Variants in SAMMSON observed in about 807,000 individuals in gnomAD.
SAMMSON encodes the protein survival associated mitochondrial melanoma specific oncogenic non-coding RNA.
chr3:70,185,797 C>T (rs1701087066), intron 4 of SAMMSON, among the ~76,000 whole-genome samples: 1 of 138,150 alleles, frequency 7.2e-6, no homozygotes, highest in African/African-American at 2.7e-5. Context: ...ATAGCAAGAC[C>T]CCGCCTCTAC....
chr3:70,170,242 G>C (rs1700924389), intron 4 of SAMMSON, among the ~76,000 whole-genome samples: 2 of 151,792 alleles, frequency 1.3e-5, no homozygotes, highest in Admixed American at 1.3e-4. Context: ...ATTTTGTGCA[G>C]ATGTAGGAAA....
intron 1 of SAMMSON, among the ~76,000 whole-genome samples, chr3:70,008,864 G>A (rs967015496): frequency 2.0e-4 from 30 of 152,150 alleles, no homozygotes; most frequent in African/African-American, 6.8e-4. Flanking sequence ...GTTGAATTTT[G>A]TGAAAGGCCT....
At position 70,173,615 on chromosome 3, in the gene SAMMSON, T is replaced by C. The variant is rs117764845; in HGVS notation, n.508-75492T>C. Among the ~76,000 whole-genome samples, 176 of 152,092 alleles carry C rather than the reference T, an allele frequency of 1.2e-3. 1 individual carries two copies. In the East Asian group the frequency reaches 0.032, roughly 28 times the overall value. ...ATTTATATATGCTCAAACTAGATAATTTTTGCAAAAGTTTTAAAAACATTT... is the reference window on the plus strand; with the variant it reads ...ATTTATATATGCTCAAACTAGATAACTTTTGCAAAAGTTTTAAAAACATTT... On this transcript the variant is annotated intron_variant and non_coding_transcript_variant, in intron 4 of 9. Transcript: ENST00000642114.
intron 9 of SAMMSON, among the ~76,000 whole-genome samples, chr3:70,368,622 A>G (rs1432063169): frequency 1.3e-5 from 2 of 151,574 alleles, no homozygotes; most frequent in Non-Finnish European, 3.0e-5. Flanking sequence ...TGACTGAAAC[A>G]TTATCCTCTC....
At chr3:70,379,995 G>T (rs1028124898) in intron 9 of SAMMSON, among the ~76,000 whole-genome samples, 5 of 151,632 alleles carry the variant, frequency 3.3e-5, no homozygotes, top group Non-Finnish European at 7.4e-5. Flanking sequence ...TTTGATTTGG[G>T]GTGTAATTTT....
chr3:70,244,785 T>A (rs558002843), intron 4 of SAMMSON, among the ~76,000 whole-genome samples: 1 of 152,362 alleles, frequency 6.6e-6, no homozygotes, highest in African/African-American at 2.4e-5. Flanking sequence ...CATATATAAA[T>A]ACATACACAT....
At chr3:70,053,500 C>T (rs532783268) in intron 3 of SAMMSON, among the ~76,000 whole-genome samples, 11 of 152,268 alleles carry the variant, frequency 7.2e-5, no homozygotes, top group African/African-American at 2.2e-4. Flanking sequence ...AGATGGGTGA[C>T]TCATTTCCTT....
intron 4 of SAMMSON, among the ~76,000 whole-genome samples, chr3:70,171,371 T>A (rs567118759): frequency 6.6e-6 from 1 of 151,952 alleles, no homozygotes; most frequent in African/African-American, 2.4e-5. Context: ...AGCTGAAGCT[T>A]AACTTCATTG....
intron 4 of SAMMSON, among the ~76,000 whole-genome samples, chr3:70,147,796 A>G (rs1238433016): frequency 6.6e-6 from 1 of 152,114 alleles, no homozygotes; most frequent in Admixed American, 6.6e-5. Flanking sequence ...AAATAATTAT[A>G]TGTTGGACAT....
chr3:70,309,956 C>A (rs1387649028), intron 7 of SAMMSON, among the ~76,000 whole-genome samples: 1 of 152,038 alleles, frequency 6.6e-6, no homozygotes, highest in Non-Finnish European at 1.5e-5. Flanking sequence ...CTATCAATTT[C>A]ATTATTATTT....
At chr3:70,238,337 G>A (rs915875894) in intron 4 of SAMMSON, among the ~76,000 whole-genome samples, 2 of 152,002 alleles carry the variant, frequency 1.3e-5, no homozygotes, top group Non-Finnish European at 2.9e-5. Flanking sequence ...GCTGGGCATC[G>A]TGGCTCACAC....
chr3:70,144,543 T>C (rs1436281591), intron 4 of SAMMSON, among the ~76,000 whole-genome samples: 1 of 152,180 alleles, frequency 6.6e-6, no homozygotes, highest in Non-Finnish European at 1.5e-5. Flanking sequence ...TTATCTAAAA[T>C]GTCCTCCGAA....
At chr3:70,035,359 A>G (rs2067081438) in intron 3 of SAMMSON, among the ~76,000 whole-genome samples, 1 of 151,932 alleles carries the variant, frequency 6.6e-6, no homozygotes, top group Non-Finnish European at 1.5e-5. Context: ...ACTCTTTTAT[A>G]AGGCTCATGT....
At position 70,078,574 on chromosome 3, in the gene SAMMSON, G is replaced by A. The variant is rs577957194; in HGVS notation, n.507+7009G>A. 5.9e-5 allele frequency among the ~76,000 whole-genome samples: 9 copies of A among 152,240 alleles called. No homozygotes were observed. The South Asian group carries it at 8.3e-4, about 14-fold the overall frequency. ...GCCAATTTTTCAGTGTGGTTACCTCGATTTATCTGCTTCTTTGGCCCTTCC... is the reference window on the plus strand; with the variant it reads ...GCCAATTTTTCAGTGTGGTTACCTCAATTTATCTGCTTCTTTGGCCCTTCC... On this transcript the variant is annotated intron_variant and non_coding_transcript_variant, in intron 4 of 9. Transcript: ENST00000642114.
chr3:70,313,170 A>G (rs1702469719), intron 7 of SAMMSON, among the ~76,000 whole-genome samples: 1 of 152,200 alleles, frequency 6.6e-6, no homozygotes, highest in African/African-American at 2.4e-5. Flanking sequence ...AGGTAAGGAT[A>G]ATACAGATTT....
intron 9 of SAMMSON, among the ~76,000 whole-genome samples, chr3:70,381,763 G>C (rs1463092788): frequency 6.6e-6 from 1 of 152,048 alleles, no homozygotes; most frequent in African/African-American, 2.4e-5. Flanking sequence ...AAATTGGAGG[G>C]AACAGACCCA....
At chr3:70,173,869 C>T (rs1242057022) in intron 4 of SAMMSON, among the ~76,000 whole-genome samples, 2 of 151,722 alleles carry the variant, frequency 1.3e-5, no homozygotes, top group African/African-American at 4.8e-5. Flanking sequence ...CAACTTAATG[C>T]ATTTAAGTTG....
chr3:70,375,630 G>T (rs557426068), intron 9 of SAMMSON, among the ~76,000 whole-genome samples: 144 of 152,082 alleles, frequency 9.5e-4, no homozygotes, highest in African/African-American at 3.4e-3. Context: ...TACAAATATG[G>T]CATATCAACA....
At chr3:70,408,231 G>A (rs762485308) in intron 2 of SAMMSON, among the ~76,000 whole-genome samples, 1 of 152,216 alleles carries the variant, frequency 6.6e-6, no homozygotes, top group Non-Finnish European at 1.5e-5. Flanking sequence ...CCTCTAACAT[G>A]CCCTGGAGAC....
Sources: gnomAD v4.1 joint callset for allele counts (sites outside exome capture counted in the v4.1 genomes callset) on GRCh38, gnomAD v4.1.1 for gene constraint, MANE v1.5 for transcripts, NCBI Gene and HGNC (gene_info 2026-07-23, HGNC 2026-07-21) for gene names.